The following SANBR variants were observed in gnomAD, a reference collection of about 807,000 sequenced individuals.
SANBR encodes the protein SANT and BTB domain regulator of class switch recombination.
SANBR carries 77 observed loss-of-function variants against 101.8 expected under a neutral mutation model. The observed-to-expected ratio is 0.76, with a 90% CI of 0.63 to 0.91. The LOEUF is 0.91. SANBR is among the 40% of genes least tolerant of loss of function. The pLI is 0.00. For synonymous variants in SANBR, 279 were observed against 274.7 expected (o/e 1.02, Z -0.15); for missense variants, 875 against 853.0 (o/e 1.03, Z -0.32).
chr2:61,071,797 G>C lies in SANBR; in HGVS notation c.337+5G>C, dbSNP rs145438802. The C allele has an allele frequency of 2.0e-5, 31 of 1,570,830 alleles. No individual in the cohort carries two copies. The African/African-American group carries it at 3.4e-4, about 17-fold the overall frequency. On this transcript the variant is annotated splice_donor_5th_base_variant and intron_variant, in intron 4 of 21. Transcript: ENST00000402291. The stretch of plus-strand genomic sequence containing the variant: ...ATGATGCAGTTTCCAAAACTGGTAA[G>C]GTTTTAAACTAAAATGTAGTACTTG...
In SANBR at chr2:61,104,667, A is replaced by C. The variant is rs536381658; in HGVS notation, c.1511+669A>C. ...GAAAAAAATATTGATGGCTGAGTTC[A>C]TCTCTCCATGAGTATGAACTTCTCA... On this transcript the variant is annotated intron_variant, in intron 13 of 21. Transcript: ENST00000402291. Among the ~76,000 whole-genome samples, 1,106 of 152,288 alleles carry C rather than the reference A, an allele frequency of 7.3e-3. 8 individuals carry two copies. The highest frequency in any genetic ancestry group is 0.011 in the Non-Finnish European group (740 of 68,018).
intron 20 of SANBR, among the ~76,000 whole-genome samples, chr2:61,119,933 G>A (rs565244136): frequency 6.6e-6 from 1 of 152,272 alleles, no homozygotes; most frequent in South Asian, 2.1e-4. Flanking sequence ...CTACACTCCT[G>A]CCTGGGCAAC....
rs754110263 is a variant in SANBR, at chr2:61,117,346, C to CT, written c.1837-3dup. The stretch of plus-strand genomic sequence containing the variant: ...TCTAATTGGGCCTTAATGTTGTCTA[C>CT]TTTTTTTTAGTCAGCTTCTAGAGAT... On this transcript the variant is annotated splice_polypyrimidine_tract_variant and intron_variant, in intron 17 of 21. Coordinates refer to ENST00000402291, the MANE Select transcript of SANBR (RefSeq NM_001129993.3). The CT allele has an allele frequency of 2.6e-5, 42 of 1,610,078 alleles. No homozygotes were observed. The highest frequency in any genetic ancestry group is 2.5e-4 in the African/African-American group (19 of 74,830).
At chr2:61,127,992 G>T (rs1684564245), downstream of SANBR, among the ~76,000 whole-genome samples, 1 of 152,196 alleles carries the variant, frequency 6.6e-6, no homozygotes, top group South Asian at 2.1e-4. Context: ...CTTACTTATG[G>T]CCCAGCACAG....
intron 5 of SANBR, among the ~76,000 whole-genome samples, chr2:61,074,344 C>A (rs1424130102): frequency 6.6e-6 from 1 of 152,098 alleles, no homozygotes; most frequent in Non-Finnish European, 1.5e-5. Context: ...GTATATTTAA[C>A]CACAGTTTTA....
At position 61,134,000 on chromosome 2, in the gene SANBR, T is replaced by G; in HGVS notation, c.2029-137T>G. 3 of 1,312,518 alleles carry G rather than the reference T, an allele frequency of 2.3e-6. No homozygotes were observed. The South Asian group carries it at 4.3e-5, about 19-fold the overall frequency. The allele number at this position is 1,312,518 out of a possible 1,614,324, so 81.3% of individuals were successfully genotyped here. ...GGCCAGTATTGCATCAAATTGCATT[T>G]GGGTAATAGAAATATAACCCACAAT... On this transcript the variant is annotated intron_variant, in intron 20 of 21. Transcript: ENST00000295031.
At chr2:61,105,632 C>A (rs901913604) in intron 13 of SANBR, among the ~76,000 whole-genome samples, 4 of 151,480 alleles carry the variant, frequency 2.6e-5, no homozygotes, top group African/African-American at 9.7e-5. Flanking sequence ...TCCTGAAGTG[C>A]TGGGATTACA....
chr2:61,079,375 G>C (rs576883690), intron 6 of SANBR, among the ~76,000 whole-genome samples: 1 of 152,210 alleles, frequency 6.6e-6, no homozygotes, highest in East Asian at 1.9e-4. Context: ...TGGTTTAATA[G>C]TCTTTCTATG....
chr2:61,096,303 A>G (rs965354489), intron 11 of SANBR, among the ~76,000 whole-genome samples: 2 of 152,170 alleles, frequency 1.3e-5, no homozygotes, highest in African/African-American at 4.8e-5. Context: ...CTACTCAAGG[A>G]TGCTCTCCCT....
intron 10 of SANBR, among the ~76,000 whole-genome samples, chr2:61,091,298 TAGCC>T (rs1192371569): frequency 6.6e-6 from 1 of 151,898 alleles, no homozygotes; most frequent in Non-Finnish European, 1.5e-5. Context: ...TGTTTTATAT[TAGCC>T]AGGTGTAGGT....
intron 11 of SANBR, among the ~76,000 whole-genome samples, chr2:61,094,377 A>G (rs1682925663): frequency 6.6e-6 from 1 of 152,178 alleles, no homozygotes; most frequent in African/African-American, 2.4e-5. Context: ...ATCATATAGC[A>G]TTTAGCTTTT....
chr2:61,116,656 G>A (rs1684091363), intron 17 of SANBR, among the ~76,000 whole-genome samples: 2 of 152,124 alleles, frequency 1.3e-5, no homozygotes, highest in Admixed American at 1.3e-4. Context: ...ATGTGTGATA[G>A]GTTGAGTCTG....
chr2:61,088,279 T>C (rs1682551562), intron 9 of SANBR, 34 bp downstream of exon 9: 1 of 1,576,658 alleles, frequency 6.3e-7, no homozygotes, highest in Non-Finnish European at 8.6e-7. Flanking sequence ...TGGTGTACTT[T>C]ATAATGCAGC....
chr2:61,124,150 C>T lies in SANBR; in HGVS notation c.*1988C>T. On this transcript the variant is annotated 3_prime_UTR_variant, in exon 22 of 22. Coordinates refer to ENST00000402291, the MANE Select transcript of SANBR (RefSeq NM_001129993.3). ...ATTTTGTTAATGTTTGTCTGTTATA[C>T]ATAGCACTGGTACCGCAAACATTTT... 1 of 981,758 alleles carries T rather than the reference C, an allele frequency of 1.0e-6. No individual in the cohort carries two copies. The highest frequency in any genetic ancestry group is 1.2e-6 in the Non-Finnish European group (1 of 826,454). 60.8% of individuals were successfully genotyped at this position (981,758 alleles called of 1,614,324 possible).
intron 21 of SANBR, among the ~76,000 whole-genome samples, chr2:61,134,952 C>T (rs1218414376): frequency 6.6e-6 from 1 of 151,000 alleles, no homozygotes; most frequent in African/African-American, 2.4e-5. Flanking sequence ...TTTGGGAGGC[C>T]GAGAAGGTGG....
At chr2:61,088,991 A>C in intron 10 of SANBR, 5 of 902,012 alleles carry the variant, frequency 5.5e-6, no homozygotes, top group Non-Finnish European at 6.6e-6. Context: ...ATAATGTTTT[A>C]CACATTAAAA....
chr2:61,083,696 C>T (rs1277578901), intron 8 of SANBR, among the ~76,000 whole-genome samples: 2 of 151,996 alleles, frequency 1.3e-5, no homozygotes, highest in South Asian at 2.1e-4. Context: ...GGTGAAACCC[C>T]GTCTCTACTA....
intron 20 of SANBR, among the ~76,000 whole-genome samples, chr2:61,119,624 T>G (rs1363030683): frequency 6.6e-6 from 1 of 152,152 alleles, no homozygotes; most frequent in East Asian, 1.9e-4. Context: ...TTAGATGTGC[T>G]AAGATACAAC....
intron 8 of SANBR, among the ~76,000 whole-genome samples, chr2:61,086,986 T>G (rs948026599): frequency 1.3e-5 from 2 of 152,160 alleles, no homozygotes; most frequent in South Asian, 2.1e-4. Flanking sequence ...GGATATACAT[T>G]TAGAATTAAA....
Sources: gnomAD v4.1 joint callset for allele counts (sites outside exome capture counted in the v4.1 genomes callset) on GRCh38, gnomAD v4.1.1 for gene constraint, MANE v1.5 for transcripts, NCBI Gene and HGNC (gene_info 2026-07-23, HGNC 2026-07-21) for gene names.